Variants in LRRC36 observed in about 807,000 individuals in gnomAD.
LRRC36 encodes the protein leucine rich repeat containing 36.
In LRRC36, 62 loss-of-function variants were observed where a neutral mutation model predicts 81.1. That is an observed-to-expected ratio of 0.76 (90% CI 0.62 to 0.94). The LOEUF is 0.94. Among genes scored for constraint, LRRC36 ranks in the 40% least tolerant of loss-of-function variants. The pLI, the probability that LRRC36 is intolerant of heterozygous loss-of-function variation, is 0.00. For missense variants in LRRC36, 761 were observed against 881.7 expected, an observed-to-expected ratio of 0.86 and a Z score of 1.73; for synonymous variants, 334 against 348.6, an observed-to-expected ratio of 0.96 and a Z score of 0.47.
chr16:67,381,425 A>G (rs1246614190), intron 12 of LRRC36, among the ~76,000 whole-genome samples: 1 of 152,104 alleles, frequency 6.6e-6, no homozygotes, highest in Non-Finnish European at 1.5e-5. Flanking sequence ...ACACCATTCT[A>G]GATGTTTTCA....
chr16:67,351,070 T>A (rs1412340405), intron 5 of LRRC36, among the ~76,000 whole-genome samples: 1 of 152,016 alleles, frequency 6.6e-6, no homozygotes, highest in Non-Finnish European at 1.5e-5. Flanking sequence ...ATAAATAAAG[T>A]GGTTATGCCA....
intron 5 of LRRC36, among the ~76,000 whole-genome samples, chr16:67,353,397 G>GT (rs1175612376): frequency 6.6e-6 from 1 of 151,500 alleles, no homozygotes. Flanking sequence ...GTTTTGTTTT[G>GT]TTTTTTTGAG....
chr16:67,374,374 A>G (rs904105141), intron 9 of LRRC36, among the ~76,000 whole-genome samples: 1 of 152,040 alleles, frequency 6.6e-6, no homozygotes, highest in African/African-American at 2.4e-5. Context: ...TCAAACAACA[A>G]ATTTTTAATT....
At chr16:67,356,976 A>G (rs926328134) in intron 5 of LRRC36, among the ~76,000 whole-genome samples, 1 of 152,186 alleles carries the variant, frequency 6.6e-6, no homozygotes, top group Non-Finnish European at 1.5e-5. Flanking sequence ...AGGTAATAAT[A>G]AGGATCTCTT....
chr16:67,336,890 A>G (rs2037789824), intron 1 of LRRC36, among the ~76,000 whole-genome samples: 1 of 151,942 alleles, frequency 6.6e-6, no homozygotes, highest in African/African-American at 2.4e-5. Flanking sequence ...ACTTCAGCCT[A>G]CCAAGTAGCT....
intron 2 of LRRC36, among the ~76,000 whole-genome samples, chr16:67,344,962 A>G (rs2038271033): frequency 6.6e-6 from 1 of 152,062 alleles, no homozygotes; most frequent in Non-Finnish European, 1.5e-5. Flanking sequence ...TCAATGACAG[A>G]ATTCCTTTTA....
intron 12 of LRRC36, 56 bp downstream of exon 12, chr16:67,378,768 A>C (rs2040006994): frequency 1.3e-6 from 2 of 1,584,850 alleles, no homozygotes; most frequent in Non-Finnish European, 1.7e-6. Context: ...GTTTGTTTAT[A>C]GATGACCCAT....
At chr16:67,372,312 G>C (rs1266310094) in intron 9 of LRRC36, among the ~76,000 whole-genome samples, 1 of 150,812 alleles carries the variant, frequency 6.6e-6, no homozygotes, top group Admixed American at 6.6e-5. Context: ...AGCCGAGATC[G>C]CGCCATTGCA....
At chr16:67,329,493 A>G (rs1025579833) in intron 1 of LRRC36, among the ~76,000 whole-genome samples, 2 of 150,872 alleles carry the variant, frequency 1.3e-5, no homozygotes, top group South Asian at 2.2e-4. Context: ...GGGTTTCACC[A>G]TGCTAGCCAG....
chr16:67,348,437 T>C (rs757376392), intron 4 of LRRC36: 1 of 152,150 alleles, frequency 6.6e-6, no homozygotes, highest in Non-Finnish European at 1.5e-5. Context: ...GAAAGAAACA[T>C]TCATTATATT....
At chr16:67,331,707 G>C (rs565415714) in intron 1 of LRRC36, among the ~76,000 whole-genome samples, 1 of 152,160 alleles carries the variant, frequency 6.6e-6, no homozygotes, top group Admixed American at 6.5e-5. Context: ...AAGTTTTATG[G>C]CCAGGTGTAG....
At chr16:67,382,525 C>T (rs2040151473) in intron 13 of LRRC36, among the ~76,000 whole-genome samples, 1 of 152,146 alleles carries the variant, frequency 6.6e-6, no homozygotes, top group Non-Finnish European at 1.5e-5. Flanking sequence ...GGTCAGCTAA[C>T]TTTTTTGGGA....
intron 5 of LRRC36, among the ~76,000 whole-genome samples, chr16:67,358,320 T>C (rs1404566302): frequency 1.3e-5 from 2 of 152,118 alleles, no homozygotes; most frequent in Non-Finnish European, 2.9e-5. Context: ...GCAGACTGTA[T>C]ATCTGACAAG....
rs2040000613 is a variant in LRRC36, at chr16:67,378,638, T to C, written c.1856T>C (p.Leu619Ser). The C allele has an allele frequency of 6.2e-7, 1 of 1,614,058 alleles. No homozygotes were observed. The change falls in exon 12 of 14, where the codon TTG (leucine) becomes TCG (serine). Residue 619 changes from leucine (L) to serine (S), a missense_variant. Physicochemically the swap from Leu to Ser is moderately radical, Grantham distance 145. Coordinates refer to ENST00000329956, the MANE Select transcript of LRRC36 (RefSeq NM_018296.6). ...AGAGTGCTGGAGGAAAACCTCATTT[T>C]GTCAGAAAAAATTCAACAGTTGGAG... ...LVRVLEENLILSEKIQQLEEG... is the reference protein window; with the variant it reads ...LVRVLEENLISSEKIQQLEEG...
At chr16:67,376,545 G>A (rs2039901347) in intron 10 of LRRC36, among the ~76,000 whole-genome samples, 182 bp from the exon 11 acceptor site, 1 of 152,190 alleles carries the variant, frequency 6.6e-6, no homozygotes, top group Non-Finnish European at 1.5e-5. Context: ...TTTCTCCATA[G>A]AGGATGTAGG....
intron 7 of LRRC36, 70 bp from the exon 8 acceptor site, chr16:67,366,947 C>T (rs2039423272): frequency 1.7e-6 from 2 of 1,210,370 alleles, no homozygotes; most frequent in East Asian, 2.3e-5. Context: ...GTTCAGTGAA[C>T]AGAGGTACTC....
intron 1 of LRRC36, 130 bp downstream of exon 1, chr16:67,327,062 G>T (rs2037216916): frequency 1.1e-6 from 1 of 876,298 alleles, no homozygotes; most frequent in South Asian, 1.9e-5. Flanking sequence ...CTGAGGCTGG[G>T]GGGCGGGGGG....
chr16:67,326,967 G>A, intron 1 of LRRC36, 35 bp downstream of exon 1: 2 of 1,482,660 alleles, frequency 1.3e-6, no homozygotes, highest in Non-Finnish European at 8.9e-7. Flanking sequence ...GACTGGGAAC[G>A]TAGGGTCAGA....
At chr16:67,372,704 C>T (rs959423639) in intron 9 of LRRC36, among the ~76,000 whole-genome samples, 6 of 152,154 alleles carry the variant, frequency 3.9e-5, no homozygotes, top group African/African-American at 1.2e-4. Context: ...TTTCTAGTTA[C>T]TTATTTTTCA....
Sources: allele counts gnomAD v4.1 joint callset (sites outside exome capture counted in the v4.1 genomes callset), GRCh38; gene constraint gnomAD v4.1.1; transcripts MANE v1.5; gene names NCBI Gene and HGNC (gene_info 2026-07-23, HGNC 2026-07-21).